Variants in RASL12 observed in about 807,000 individuals in gnomAD.
The protein encoded by RASL12 is RAS like family 12, also known as ras-like protein family member 12.
In RASL12, 16 loss-of-function variants were observed where a neutral mutation model predicts 22.9. That is an observed-to-expected ratio of 0.70 (90% CI 0.47 to 1.06). RASL12 has a LOEUF of 1.06. Among genes scored for constraint, RASL12 ranks in the 50% least tolerant of loss-of-function variants. RASL12 has a pLI of 0.00. For missense variants in RASL12, 306 were observed against 353.1 expected (o/e 0.87, Z 1.07); for synonymous variants, 159 against 152.2 (o/e 1.04, Z -0.33).
chr15:65,058,629 G>A lies in RASL12; in HGVS notation c.235-12C>T. On this transcript the variant is annotated splice_polypyrimidine_tract_variant and intron_variant, in intron 3 of 4. Coordinates refer to ENST00000220062, the MANE Select transcript of RASL12 (RefSeq NM_016563.4). ...TTCCTGGGGGTGTCCTGGGGTGAAG[G>A]TGAGAAGCCCCGCCGGGGGGCAGAG... 6.6e-7 allele frequency: 1 copy of A among 1,507,544 alleles called. No homozygotes were observed. Among genetic ancestry groups the A allele is most frequent in the Non-Finnish European group, 9.0e-7 (1 of 1,115,834 alleles). The allele number at this position is 1,507,544 out of a possible 1,614,324, so 93.4% of individuals were successfully genotyped here.
chr15:65,076,432 A>G (rs2086970035), intron 1 of RASL12: 2 of 551,028 alleles, frequency 3.6e-6, no homozygotes, highest in Non-Finnish European at 6.4e-6. Flanking sequence ...TGAGCCAGCG[A>G]GACCATGAAC....
intron 2 of RASL12, among the ~76,000 whole-genome samples, chr15:65,060,632 T>C (rs1280419492): frequency 6.6e-6 from 1 of 152,238 alleles, no homozygotes; most frequent in Non-Finnish European, 1.5e-5. Flanking sequence ...TTGGCCCACA[T>C]GTGTGAGTGC....
chr15:65,056,274 A>G (rs1342495041), intron 4 of RASL12, among the ~76,000 whole-genome samples: 1 of 151,948 alleles, frequency 6.6e-6, no homozygotes, highest in Admixed American at 6.6e-5. Context: ...ATGGTGGGAA[A>G]AGTTTCTGAG....
At position 65,055,086 on chromosome 15, in the gene RASL12, G is replaced by C; in HGVS notation, c.614C>G (p.Pro205Arg). 1 of 1,612,140 alleles carries C rather than the reference G, an allele frequency of 6.2e-7. No homozygotes were observed. Among genetic ancestry groups the C allele is most frequent in the East Asian group, 2.2e-5 (1 of 44,832 alleles). The stretch of plus-strand genomic sequence containing the variant: ...CCGCGCGGTGAGCGGGGCCTGGTGG[G>C]GCAGGGCCCTCTCCTCGGAGATGAA... Reference protein sequence around the residue: ...PLFISEERALPHQAPLTARHG... With the variant: ...PLFISEERALRHQAPLTARHG... Residue 205 changes from proline (P) to arginine (R), a missense_variant, in exon 5 of 5, where the codon CCC becomes CGC. By Grantham distance (103) the Pro-to-Arg change is moderately radical. Transcript: ENST00000220062.
At chr15:65,060,082 A>G (rs1272526585) in intron 2 of RASL12, among the ~76,000 whole-genome samples, 1 of 152,222 alleles carries the variant, frequency 6.6e-6, no homozygotes, top group Admixed American at 6.5e-5. Context: ...AAATGGGAAC[A>G]CTGTGATAAC....
intron 1 of RASL12, among the ~76,000 whole-genome samples, chr15:65,075,951 C>G (rs948966916): frequency 6.6e-6 from 1 of 151,492 alleles, no homozygotes; most frequent in Non-Finnish European, 1.5e-5. Context: ...GTGCACCAGT[C>G]GACACTCTGT....
At chr15:65,069,046 C>G (rs2946636), upstream of RASL12, among the ~76,000 whole-genome samples, 1,431 of 152,332 alleles carry the variant, frequency 9.4e-3, 27 homozygotes, top group African/African-American at 0.033. Context: ...AGACCTCTCA[C>G]GGCAGCCCTT....
intron 1 of RASL12, among the ~76,000 whole-genome samples, chr15:65,066,096 G>A (rs1282119828): frequency 7.2e-6 from 1 of 138,616 alleles, no homozygotes; most frequent in Non-Finnish European, 1.5e-5. Context: ...AGAAAGAGAA[G>A]GAAAGAGAAA....
chr15:65,049,504 G>C (rs2086621269), downstream of RASL12: 1 of 152,204 alleles, frequency 6.6e-6, no homozygotes. Context: ...TGACATGTGG[G>C]GAAACACAGG....
At chr15:65,066,048 G>C in intron 1 of RASL12, among the ~76,000 whole-genome samples, 1 of 149,754 alleles carries the variant, frequency 6.7e-6, no homozygotes, top group South Asian at 2.1e-4. Flanking sequence ...GAGTAGAGAA[G>C]AGAAGAGAAG....
exon 1 of RASL12, chr15:65,076,548 A>G: frequency 1.4e-6 from 1 of 701,456 alleles, no homozygotes; most frequent in Non-Finnish European, 2.6e-6. Context: ...CCGCGGCTTC[A>G]TTCTTGAAGT....
chr15:65,066,083 AAAAG>A (rs1042175888), intron 1 of RASL12, among the ~76,000 whole-genome samples: 6 of 151,634 alleles, frequency 4.0e-5, no homozygotes, highest in East Asian at 3.9e-4. Flanking sequence ...GAGAGAGAAT[AAAAG>A]AAAGAGAAGG....
chr15:65,076,494 T>C (rs758988318), intron 1 of RASL12: 1 of 680,794 alleles, frequency 1.5e-6, no homozygotes, highest in Non-Finnish European at 2.7e-6. Flanking sequence ...AAGGACAGAC[T>C]CCAGACACGC....
chr15:65,064,308 GC>G (rs940552204), intron 2 of RASL12, among the ~76,000 whole-genome samples: 2 of 152,078 alleles, frequency 1.3e-5, no homozygotes, highest in African/African-American at 4.8e-5. Flanking sequence ...ATTTTTTAAT[GC>G]CCATTTTACA....
At chr15:65,069,897 C>T (rs2086919507), upstream of RASL12, among the ~76,000 whole-genome samples, 1 of 152,190 alleles carries the variant, frequency 6.6e-6, no homozygotes, top group African/African-American at 2.4e-5. Context: ...GCTCATTGCT[C>T]AAAGTCTGCC....
downstream of RASL12, chr15:65,051,751 G>T (rs536258415): frequency 3.7e-5 from 23 of 620,324 alleles, no homozygotes; most frequent in East Asian, 6.5e-4. Flanking sequence ...TGTCCTTCGA[G>T]AACCCCAAGC....
Position 65,054,938 on chromosome 15 carries a change from C to T in RASL12, c.762G>A (p.Ala254=), listed in dbSNP as rs1235176495. The change falls in exon 5 of 5, where the codon GCG becomes GCA. Residue 254 remains alanine, a synonymous_variant. Transcript: ENST00000220062. ...KSSRAQSKRK[A]PTLTLLKGFK... is the part of the protein sequence containing the mutation. ...AGCCCTTCAGGAGAGTCAGGGTAGG[C>T]GCCTTGCGCTTGCTCTGGGCCCGGG... 9 of 1,614,150 alleles carry T rather than the reference C, an allele frequency of 5.6e-6. No individual in the cohort carries two copies. The highest frequency in any genetic ancestry group is 1.7e-5 in the Admixed American group (1 of 60,034).
At chr15:65,046,465 T>C in the RASL12 span, among the ~76,000 whole-genome samples, 6 of 151,562 alleles carry the variant, frequency 4.0e-5, no homozygotes, top group Non-Finnish European at 8.8e-5. Flanking sequence ...AGTGAAACTC[T>C]GTCTCAAAAA....
chr15:65,050,833 C>CTTTTTTTTTTTTTTTTTTTTT (rs67418433), downstream of RASL12, among the ~76,000 whole-genome samples: 83 of 88,604 alleles, frequency 9.4e-4, no homozygotes, highest in Non-Finnish European at 1.2e-3. Flanking sequence ...TCTTCTTCTT[C>CTTTTTTTTTTTTTTTTTTTTT]TTCTTTTTTT....
Sources: allele counts gnomAD v4.1 joint callset (sites outside exome capture counted in the v4.1 genomes callset), GRCh38; gene constraint gnomAD v4.1.1; transcripts MANE v1.5; gene names NCBI Gene and HGNC (gene_info 2026-07-23, HGNC 2026-07-21).